Variants in PCDHGA8 observed in about 807,000 individuals in gnomAD.
PCDHGA8 encodes protocadherin gamma subfamily A, 8.
In PCDHGA8, 45 loss-of-function variants were observed where a neutral mutation model predicts 59.2. The ratio of observed to expected loss-of-function variants is 0.76; its 90% CI spans 0.60 to 0.98. PCDHGA8 has a LOEUF of 0.98. Ranked by LOEUF, PCDHGA8 falls within the 50% of genes least tolerant of loss-of-function variation. The probability of loss-of-function intolerance (pLI) is 0.00; values close to 1 mark genes in which losing one functional copy is unlikely to be tolerated. For synonymous variants in PCDHGA8, 531 were observed against 519.0 expected (o/e 1.02, Z -0.32); for missense variants, 1,257 against 1,196.2 (o/e 1.05, Z -0.75).
chr5:141,421,446 A>G, intron 1 of PCDHGA8: 1 of 1,614,106 alleles, frequency 6.2e-7, no homozygotes, highest in Non-Finnish European at 8.5e-7. Flanking sequence ...GAGGGAAGAC[A>G]CAGCTTTTCG....
intron 1 of PCDHGA8, among the ~76,000 whole-genome samples, chr5:141,401,910 T>A (rs562648950): frequency 2.1e-4 from 32 of 152,336 alleles, no homozygotes; most frequent in African/African-American, 5.3e-4. Flanking sequence ...AATTATTATA[T>A]AAGTTTAAGT....
intron 1 of PCDHGA8, among the ~76,000 whole-genome samples, chr5:141,436,410 G>T (rs2154557099): frequency 6.6e-6 from 1 of 152,200 alleles, no homozygotes; most frequent in East Asian, 1.9e-4. Flanking sequence ...TTGAATGAAT[G>T]GATAAACAAA....
intron 1 of PCDHGA8, among the ~76,000 whole-genome samples, chr5:141,494,529 G>C (rs952931724): frequency 1.3e-5 from 2 of 152,132 alleles, no homozygotes; most frequent in African/African-American, 4.8e-5. Flanking sequence ...TCTGACTCTG[G>C]GGGCAGGGAG....
chr5:141,426,718 C>G, intron 1 of PCDHGA8: 1 of 446,166 alleles, frequency 2.2e-6, no homozygotes, highest in Non-Finnish European at 4.6e-6. Flanking sequence ...AATGAACTAG[C>G]AATTCCAGGC....
In PCDHGA8 at chr5:141,486,675, A is replaced by T; in HGVS notation, c.2425-8132A>T. On this transcript the variant is annotated intron_variant, in intron 1 of 3. Coordinates refer to ENST00000398604, the MANE Select transcript of PCDHGA8 (RefSeq NM_032088.2). The surrounding 1 kb of genome is among the most constrained non-coding windows in gnomAD (Gnocchi z 5.0). ...TCACTCCTGGAGCCCAGGAATCGAGATGTATCAGCTTCCTCTTTCATCTCT... is the reference window on the plus strand; with the variant it reads ...TCACTCCTGGAGCCCAGGAATCGAGTTGTATCAGCTTCCTCTTTCATCTCT... The T allele has an allele frequency of 6.2e-7, 1 of 1,614,056 alleles. No individual in the cohort carries two copies. The highest frequency in any genetic ancestry group is 8.5e-7 in the Non-Finnish European group (1 of 1,180,016).
chr5:141,422,670 C>T, intron 1 of PCDHGA8: 1 of 1,607,244 alleles, frequency 6.2e-7, no homozygotes, highest in Non-Finnish European at 8.5e-7. Flanking sequence ...TCGACCCGGA[C>T]AGCAAACAGA....
Position 141,496,980 on chromosome 5 carries a change from G to A in PCDHGA8, c.2483+2115G>A, listed in dbSNP as rs186715298. On this transcript the variant is annotated intron_variant, in intron 2 of 3. Coordinates refer to ENST00000398604, the MANE Select transcript of PCDHGA8 (RefSeq NM_032088.2). ...GTGGGTAGATCACTTGAGGTCAGGG[G>A]TTTGAGACCAGCCTGGCAGCCAACA... Among the ~76,000 whole-genome samples the A allele has an allele frequency of 1.6e-3, 236 of 152,074 alleles. 2 individuals are homozygous for A. Among genetic ancestry groups the A allele is most frequent in the South Asian group, 7.5e-3 (36 of 4,814 alleles).
At chr5:141,444,637 G>C (rs2098443357) in intron 1 of PCDHGA8, among the ~76,000 whole-genome samples, 1 of 152,236 alleles carries the variant, frequency 6.6e-6, no homozygotes, top group Non-Finnish European at 1.5e-5. Context: ...CCAGTTCATT[G>C]AGGTAGGGGT....
intron 1 of PCDHGA8, chr5:141,411,313 T>C (rs970801897): frequency 6.6e-5 from 10 of 152,224 alleles, no homozygotes; most frequent in African/African-American, 2.4e-4. Context: ...CTCACACCTA[T>C]AATCACAGCA....
rs117623972 is a variant in PCDHGA8 at position 141,503,322 on chromosome 5, C to T, written c.2484-2071C>T. On this transcript the variant is annotated intron_variant, in intron 2 of 3. Transcript: ENST00000398604. Reference sequence around the variant, plus strand: ...GCTCAAGAAAGAATTGTTGGAGGGGCGCGGTGGCTCACGCCTGTAATTCCA... The same window carrying T: ...GCTCAAGAAAGAATTGTTGGAGGGGTGCGGTGGCTCACGCCTGTAATTCCA... Among the ~76,000 whole-genome samples, 216 of 152,126 alleles carry T rather than the reference C, an allele frequency of 1.4e-3. 8 individuals carry two copies. In the East Asian group the frequency reaches 0.038, roughly 27 times the overall value.
chr5:141,420,269 A>G, intron 1 of PCDHGA8: 1 of 1,544,558 alleles, frequency 6.5e-7, no homozygotes, highest in Admixed American at 2.0e-5. Flanking sequence ...GAAGATTCTT[A>G]AACAGGTAAG....
At position 141,415,772 on chromosome 5, in the gene PCDHGA8, T is replaced by A. The variant is rs540545854; in HGVS notation, c.2424+20535T>A. On this transcript the variant is annotated intron_variant, in intron 1 of 3. Coordinates refer to ENST00000398604, the MANE Select transcript of PCDHGA8 (RefSeq NM_032088.2). ...TTTTTTTTTTTTTTTTTTTTTTTTT[T>A]ACTTTCTGGTAAAATTCACCTAGTC... is the stretch of plus-strand genomic sequence containing the variant. 5,409 of 1,336,512 alleles carry A rather than the reference T, an allele frequency of 4.0e-3. 27 individuals carry two copies. The highest frequency in any genetic ancestry group is 7.3e-3 in the Admixed American group (200 of 27,462). 82.8% of individuals were successfully genotyped at this position (1,336,512 alleles called of 1,614,324 possible).
intron 1 of PCDHGA8, among the ~76,000 whole-genome samples, chr5:141,445,320 A>G (rs1462989860): frequency 1.3e-5 from 2 of 152,188 alleles, no homozygotes; most frequent in Non-Finnish European, 2.9e-5. Flanking sequence ...GGTTGAGAGA[A>G]CCCATCCAGA....
intron 1 of PCDHGA8, chr5:141,402,878 G>A: frequency 1.4e-6 from 2 of 1,471,050 alleles, no homozygotes; most frequent in Non-Finnish European, 1.8e-6. Context: ...ACCATACTTT[G>A]CAGGGTGGAA....
intron 2 of PCDHGA8, among the ~76,000 whole-genome samples, chr5:141,496,856 G>A (rs1324235700): frequency 6.7e-6 from 1 of 150,206 alleles, no homozygotes; most frequent in African/African-American, 2.5e-5. Context: ...CAGACCAGCA[G>A]AGGAGACTGA....
At chr5:141,500,877 A>C (rs2099803156) in intron 2 of PCDHGA8, among the ~76,000 whole-genome samples, 1 of 122,292 alleles carries the variant, frequency 8.2e-6, no homozygotes, top group African/African-American at 3.9e-5. Flanking sequence ...TTCATTTACA[A>C]TTTTTTTTTT....
intron 1 of PCDHGA8, chr5:141,419,170 C>G: frequency 6.2e-7 from 1 of 1,613,966 alleles, no homozygotes; most frequent in South Asian, 1.1e-5. Flanking sequence ...CCAGCAAAAC[C>G]ATAACCCTGC....
chr5:141,474,721 A>T (rs942537231), intron 1 of PCDHGA8, among the ~76,000 whole-genome samples: 10 of 152,214 alleles, frequency 6.6e-5, no homozygotes, highest in African/African-American at 1.7e-4. Flanking sequence ...CTTCAAAAGG[A>T]CTCTATGCAA....
chr5:141,421,991 A>T, intron 1 of PCDHGA8: 1 of 1,608,656 alleles, frequency 6.2e-7, no homozygotes, highest in Non-Finnish European at 8.5e-7. Context: ...GTTCCAGAAA[A>T]CATCAGCTCC....
Sources: gnomAD v4.1 joint callset for allele counts (sites outside exome capture counted in the v4.1 genomes callset) on GRCh38, gnomAD v4.1.1 for gene constraint, Gnocchi (gnomAD v3.1) non-coding constraint, MANE v1.5 for transcripts, NCBI Gene and HGNC (gene_info 2026-07-23, HGNC 2026-07-21) for gene names.